PREP: variants seen among roughly 807,000 people sequenced by gnomAD.
The protein encoded by PREP is prolyl endopeptidase, also known as dJ355L5.1 (prolyl endopeptidase).
PREP carries 29 observed loss-of-function variants against 87.6 expected under a neutral mutation model. That is an observed-to-expected ratio of 0.33 (90% CI 0.25 to 0.45). The LOEUF (loss-of-function observed/expected upper bound fraction) is 0.45, where lower values mean the gene tolerates loss of function less well. PREP is among the 20% of genes least tolerant of loss of function. The pLI, the probability that PREP is intolerant of heterozygous loss-of-function variation, is 1.00. For synonymous variants in PREP, 337 were observed against 328.6 expected (o/e 1.03, Z -0.28); for missense variants, 695 against 886.5 (o/e 0.78, Z 2.74).
At chr6:105,293,297 T>C (rs1404038433) in intron 10 of PREP, among the ~76,000 whole-genome samples, 4 of 152,102 alleles carry the variant, frequency 2.6e-5, no homozygotes, top group South Asian at 2.1e-4. Flanking sequence ...ATCGCCCTAA[T>C]TGAGACCCAA....
At chr6:105,398,971 G>A (rs6916774) in intron 1 of PREP, among the ~76,000 whole-genome samples, 5,540 of 152,096 alleles carry the variant, frequency 0.036, 337 homozygotes, top group African/African-American at 0.13. Flanking sequence ...AGCCGGGCAT[G>A]GTGGCAGGTG....
At chr6:105,281,104 AAAG>A (rs1260515684) in intron 14 of PREP, 1 of 152,232 alleles carries the variant, frequency 6.6e-6, no homozygotes, top group Non-Finnish European at 1.5e-5. Flanking sequence ...TTCCAAGGTC[AAAG>A]AAGGTCAAAG....
chr6:105,402,449 A>C (rs28602422), intron 1 of PREP, among the ~76,000 whole-genome samples: 22 of 126,106 alleles, frequency 1.7e-4, no homozygotes, highest in South Asian at 4.8e-4. Flanking sequence ...CACACACACA[A>C]ACACACACAC....
At chr6:105,389,610 A>G (rs1469359698) in intron 2 of PREP, among the ~76,000 whole-genome samples, 1 of 152,156 alleles carries the variant, frequency 6.6e-6, no homozygotes, top group Non-Finnish European at 1.5e-5. Context: ...TGGCTTAGAG[A>G]CATTTAACTA....
At chr6:105,381,826 CA>C (rs1261885188) in intron 2 of PREP, among the ~76,000 whole-genome samples, 2 of 150,508 alleles carry the variant, frequency 1.3e-5, no homozygotes, top group Non-Finnish European at 2.9e-5. Flanking sequence ...CTATAGTTAG[CA>C]ATACTATATT....
At chr6:105,382,555 TTC>T (rs1772873808) in intron 2 of PREP, among the ~76,000 whole-genome samples, 2 of 152,202 alleles carry the variant, frequency 1.3e-5, no homozygotes, top group African/African-American at 4.8e-5. Context: ...CTTTTTACAA[TTC>T]TTACATAAAT....
chr6:105,324,266 T>C (rs116036379), intron 9 of PREP, among the ~76,000 whole-genome samples: 1,818 of 152,280 alleles, frequency 0.012, 37 homozygotes, highest in African/African-American at 0.042. Flanking sequence ...TCCTGCTACC[T>C]GGCACCTACC....
At chr6:105,337,490 T>C (rs1583064468) in intron 7 of PREP, among the ~76,000 whole-genome samples, 3 of 152,300 alleles carry the variant, frequency 2.0e-5, no homozygotes, top group East Asian at 1.9e-4. Context: ...TAGGTAAAGA[T>C]AGGCAAGTTT....
intron 10 of PREP, among the ~76,000 whole-genome samples, chr6:105,297,737 C>T (rs1015430807): frequency 1.3e-5 from 2 of 152,170 alleles, no homozygotes; most frequent in African/African-American, 4.8e-5. Context: ...TCATGTGAGG[C>T]ACACAGAGCC....
chr6:105,399,211 A>G (rs1039996602), intron 1 of PREP, among the ~76,000 whole-genome samples: 1 of 152,214 alleles, frequency 6.6e-6, no homozygotes, highest in Non-Finnish European at 1.5e-5. Flanking sequence ...TTCTTGTATA[A>G]AGCTGTTGGG....
intron 10 of PREP, among the ~76,000 whole-genome samples, chr6:105,317,507 T>A (rs746105431): frequency 8.5e-5 from 13 of 152,188 alleles, no homozygotes; most frequent in Non-Finnish European, 1.8e-4. Context: ...ATATAACTTG[T>A]CCTGAGGCCA....
chr6:105,402,576 G>A (rs1205435067), intron 1 of PREP, among the ~76,000 whole-genome samples: 1 of 152,166 alleles, frequency 6.6e-6, no homozygotes, highest in Non-Finnish European at 1.5e-5. Context: ...CTACCCGGGC[G>A]TCTGCCCTTG....
intron 13 of PREP, 38 bp from the exon 14 acceptor site, chr6:105,281,940 A>G (rs758510221): frequency 6.2e-6 from 10 of 1,603,868 alleles, no homozygotes; most frequent in African/African-American, 1.3e-5. Context: ...GAGGCAGTCT[A>G]TCATTAAACA....
chr6:105,306,445 A>T (rs905786884), intron 10 of PREP, among the ~76,000 whole-genome samples: 7 of 152,174 alleles, frequency 4.6e-5, no homozygotes. Context: ...TTCATTCATG[A>T]GAAGCAGAGT....
At chr6:105,297,259 A>G (rs1169370608) in intron 10 of PREP, among the ~76,000 whole-genome samples, 1 of 152,210 alleles carries the variant, frequency 6.6e-6, no homozygotes, top group Non-Finnish European at 1.5e-5. Context: ...ACCAGCTCAG[A>G]GCTCTCTACT....
chr6:105,340,277 A>G (rs1228896530), intron 7 of PREP, among the ~76,000 whole-genome samples: 1 of 152,218 alleles, frequency 6.6e-6, no homozygotes, highest in Non-Finnish European at 1.5e-5. Context: ...CCAGAATTTC[A>G]TATGCAGCCA....
At position 105,339,883 on chromosome 6, in the gene PREP, C is replaced by T. The variant is rs953948267; in HGVS notation, c.824-6378G>A. Reference sequence around the variant, plus strand: ...AACAAAGCTCCCAAGAAATATGGGACTATGTGAAAAGATCAAATGTGGTCT... The same window carrying T: ...AACAAAGCTCCCAAGAAATATGGGATTATGTGAAAAGATCAAATGTGGTCT... On this transcript the variant is annotated intron_variant, in intron 7 of 14. Coordinates refer to ENST00000652536, the MANE Select transcript of PREP (RefSeq NM_002726.5). Among the ~76,000 whole-genome samples, 9 of 152,270 alleles carry T rather than the reference C, an allele frequency of 5.9e-5. No individual in the cohort carries two copies. The South Asian group carries it at 1.9e-3, about 32-fold the overall frequency.
intron 8 of PREP, among the ~76,000 whole-genome samples, chr6:105,332,344 A>G (rs1771356688): frequency 6.6e-6 from 1 of 152,268 alleles, no homozygotes; most frequent in East Asian, 1.9e-4. Context: ...CACAGAAAGC[A>G]TACCACCTTG....
chr6:105,353,618 A>G (rs1020379638), intron 6 of PREP, among the ~76,000 whole-genome samples: 1 of 151,988 alleles, frequency 6.6e-6, no homozygotes, highest in African/African-American at 2.4e-5. Flanking sequence ...CTAAAAATAT[A>G]AAAATTAGCC....
Sources: allele counts gnomAD v4.1 joint callset (sites outside exome capture counted in the v4.1 genomes callset), GRCh38; gene constraint gnomAD v4.1.1; transcripts MANE v1.5; gene names NCBI Gene and HGNC (gene_info 2026-07-23, HGNC 2026-07-21).